Variants in KATNBL1 observed in about 807,000 individuals in gnomAD.
KATNBL1 encodes the protein KATNB1-like protein 1.
KATNBL1 carries 28 observed loss-of-function variants against 44.7 expected under a neutral mutation model. The observed-to-expected ratio is 0.63, with a 90% confidence interval of 0.46 to 0.86. The LOEUF (loss-of-function observed/expected upper bound fraction) is 0.86. Ranked by LOEUF, KATNBL1 falls within the 40% of genes least tolerant of loss-of-function variation. KATNBL1 has a pLI of 0.00. For missense variants in KATNBL1, 272 were observed against 350.7 expected (o/e 0.78, Z 1.79); for synonymous variants, 78 against 114.9 (o/e 0.68, Z 2.06).
intron 8 of KATNBL1, chr15:34,146,166 A>G (rs917310160): frequency 1.3e-5 from 2 of 152,258 alleles, no homozygotes; most frequent in African/African-American, 4.8e-5. Flanking sequence ...GGCTGTCTCA[A>G]ACTTGTGAGC....
chr15:34,181,872 T>TATATATATATCC lies in KATNBL1; in HGVS notation c.-14-18183_-14-18182insGGATATATATAT, dbSNP rs1567532480. The stretch of plus-strand genomic sequence containing the variant: ...TATATAGTCCATATATATATATCCA[T>TATATATATATCC]ATATATATATATATATGGATGGGGA... On this transcript the variant is annotated intron_variant, in intron 1 of 9. Coordinates refer to ENST00000256544, the MANE Select transcript of KATNBL1 (RefSeq NM_024713.3). Among the ~76,000 whole-genome samples, 31 of 137,696 alleles carry TATATATATATCC rather than the reference T, an allele frequency of 2.3e-4. 1 individual carries two copies. Among genetic ancestry groups the TATATATATATCC allele is most frequent in the Admixed American group, 6.7e-4 (9 of 13,500 alleles). 90.3% of individuals were successfully genotyped at this position (137,696 alleles called of 152,430 possible).
intron 4 of KATNBL1, among the ~76,000 whole-genome samples, chr15:34,151,197 T>C (rs980537556): frequency 2.0e-5 from 3 of 152,168 alleles, no homozygotes; most frequent in Non-Finnish European, 4.4e-5. Flanking sequence ...CTAAATTACA[T>C]TGTCACCAGC....
intron 4 of KATNBL1, 98 bp downstream of exon 4, chr15:34,152,692 G>A: frequency 1.0e-6 from 1 of 969,948 alleles, no homozygotes; most frequent in Non-Finnish European, 1.6e-6. Flanking sequence ...CATTCAATAG[G>A]TGACAAATTA....
chr15:34,187,597 C>T (rs1281503356), intron 1 of KATNBL1, among the ~76,000 whole-genome samples: 1 of 152,188 alleles, frequency 6.6e-6, no homozygotes, highest in Non-Finnish European at 1.5e-5. Context: ...ACATAAATCA[C>T]AGCAGGACCA....
intron 1 of KATNBL1, chr15:34,165,997 G>A (rs1293125295): frequency 6.6e-6 from 1 of 152,286 alleles, no homozygotes; most frequent in Non-Finnish European, 1.5e-5. Context: ...AACAGCTCCG[G>A]TCTGCAGCTC....
intron 1 of KATNBL1, among the ~76,000 whole-genome samples, chr15:34,191,683 C>G (rs1889876719): frequency 6.6e-6 from 1 of 152,062 alleles, no homozygotes; most frequent in South Asian, 2.1e-4. Flanking sequence ...CGCAGTGGCT[C>G]ACACCTGTAA....
chr15:34,177,906 C>T (rs528006114), intron 1 of KATNBL1: 2 of 152,302 alleles, frequency 1.3e-5, no homozygotes, highest in South Asian at 4.1e-4. Flanking sequence ...GAAACTTTCT[C>T]CTCCAGTTAC....
intron 4 of KATNBL1, among the ~76,000 whole-genome samples, chr15:34,151,435 ACTTTTTT>A (rs1888471128): frequency 1.6e-5 from 1 of 63,828 alleles, no homozygotes; most frequent in Non-Finnish European, 3.2e-5. Flanking sequence ...TCCTTTGCCT[ACTTTTTT>A]TTTTTTTTTT....
intron 1 of KATNBL1, among the ~76,000 whole-genome samples, chr15:34,178,627 G>A (rs1889412469): frequency 6.6e-6 from 1 of 151,992 alleles, no homozygotes; most frequent in Non-Finnish European, 1.5e-5. Flanking sequence ...GTGGTGGTGG[G>A]CACTTGTAGT....
At chr15:34,166,629 C>A (rs1269301014) in intron 1 of KATNBL1, among the ~76,000 whole-genome samples, 2 of 152,240 alleles carry the variant, frequency 1.3e-5, no homozygotes, top group Non-Finnish European at 2.9e-5. Flanking sequence ...GGACAGACTG[C>A]CTCCTCAAGT....
intron 9 of KATNBL1, 50 bp from the exon 10 acceptor site, chr15:34,142,421 A>G: frequency 1.3e-6 from 2 of 1,540,304 alleles, no homozygotes; most frequent in Non-Finnish European, 1.7e-6. Flanking sequence ...GTAAATACAA[A>G]CATAAACAAT....
chr15:34,189,504 C>A (rs375902927), intron 1 of KATNBL1, among the ~76,000 whole-genome samples: 2 of 152,192 alleles, frequency 1.3e-5, no homozygotes, highest in South Asian at 4.1e-4. Context: ...GAACTTAGAA[C>A]TTGCAATTTT....
At chr15:34,177,222 T>C (rs1007660611) in intron 1 of KATNBL1, among the ~76,000 whole-genome samples, 18 of 152,230 alleles carry the variant, frequency 1.2e-4, no homozygotes, top group Middle Eastern at 3.4e-3. Flanking sequence ...CCTAAGAAGG[T>C]AGAAAAACAG....
chr15:34,167,791 C>A (rs1889028036), intron 1 of KATNBL1, among the ~76,000 whole-genome samples: 2 of 152,118 alleles, frequency 1.3e-5, no homozygotes, highest in Admixed American at 1.3e-4. Flanking sequence ...ATTCAACATT[C>A]TGAAAGAAAA....
At chr15:34,145,110 C>A in intron 9 of KATNBL1, 1 of 1,116,992 alleles carries the variant, frequency 9.0e-7, no homozygotes, top group Non-Finnish European at 1.1e-6. Context: ...TTATTGGATT[C>A]TCAAAATTTT....
At chr15:34,149,922 T>C (rs1295118891) in intron 4 of KATNBL1, among the ~76,000 whole-genome samples, 1 of 152,234 alleles carries the variant, frequency 6.6e-6, no homozygotes, top group African/African-American at 2.4e-5. Flanking sequence ...AGTCTTTACA[T>C]ACCATAATTT....
chr15:34,148,720 C>T lies in KATNBL1; in HGVS notation c.469G>A (p.Val157Ile). Residue 157 changes from valine (V) to isoleucine (I), a missense_variant, in exon 5 of 10, where the codon GTT (valine) becomes ATT (isoleucine). Around this residue, in one of 3 missense-constraint regions of KATNBL1, gnomAD observed 111 missense variants for 149.3 expected, o/e 0.74. Transcript: ENST00000256544. Reference sequence around the variant, plus strand: ...AATCTCATATTCCTGCTGAACAAAACTTGGGCCATTGTTTCATGGTCCTGA... The same window carrying T: ...AATCTCATATTCCTGCTGAACAAAATTTGGGCCATTGTTTCATGGTCCTGA... ...VSQDHETMAQ[V>I]LFSRNMRLNV... The T allele has an allele frequency of 1.9e-6, 3 of 1,612,434 alleles. No homozygotes were observed. Among genetic ancestry groups the T allele is most frequent in the Non-Finnish European group, 2.5e-6 (3 of 1,178,466 alleles).
At chr15:34,195,328 A>C (rs1357778392) in intron 1 of KATNBL1, among the ~76,000 whole-genome samples, 2 of 152,242 alleles carry the variant, frequency 1.3e-5, no homozygotes, top group Non-Finnish European at 2.9e-5. Context: ...CATTATCTCA[A>C]GTAAAACAAC....
intron 1 of KATNBL1, among the ~76,000 whole-genome samples, chr15:34,172,439 T>C (rs186589695): frequency 6.6e-6 from 1 of 152,014 alleles, no homozygotes; most frequent in East Asian, 1.9e-4. Flanking sequence ...GTATTTTTAG[T>C]AGAGATGGGG....
Sources: gnomAD v4.1 joint callset for allele counts (sites outside exome capture counted in the v4.1 genomes callset) on GRCh38, gnomAD v4.1.1 for gene constraint, gnomAD v4.1.1 regional missense constraint, MANE v1.5 for transcripts, NCBI Gene and HGNC (gene_info 2026-07-23, HGNC 2026-07-21) for gene names.